Variants in USP10 observed in about 807,000 individuals in gnomAD.
USP10 encodes the protein ubiquitin carboxyl-terminal hydrolase 10.
Under a neutral mutation model 84.5 loss-of-function variants are expected in USP10, and 22 were observed. The ratio of observed to expected loss-of-function variants is 0.26; its 90% CI spans 0.19 to 0.37. USP10 has a LOEUF of 0.37. USP10 is among the 10% of genes least tolerant of loss of function. USP10 has a pLI of 1.00. For synonymous variants in USP10, 454 were observed against 387.6 expected, an observed-to-expected ratio of 1.17 and a Z score of -2.01; for missense variants, 1,019 against 998.9, an observed-to-expected ratio of 1.02 and a Z score of -0.27.
intron 11 of USP10, among the ~76,000 whole-genome samples, chr16:84,770,066 G>A (rs956563969): frequency 2.6e-5 from 4 of 152,120 alleles, no homozygotes; most frequent in South Asian, 2.1e-4. Flanking sequence ...CTATGATCAC[G>A]CCACTGCACT....
At chr16:84,714,324 C>A (rs1597282087) in intron 1 of USP10, among the ~76,000 whole-genome samples, 1 of 152,274 alleles carries the variant, frequency 6.6e-6, no homozygotes. Context: ...CCACTTCTTC[C>A]TCTTTTTTAG....
intron 10 of USP10, 132 bp from the exon 11 acceptor site, chr16:84,768,061 G>T: frequency 2.2e-6 from 2 of 913,726 alleles, no homozygotes; most frequent in Non-Finnish European, 3.2e-6. Flanking sequence ...GTATATTTTT[G>T]GCTTTTCTCT....
intron 2 of USP10, among the ~76,000 whole-genome samples, chr16:84,735,196 GGT>G (rs34240400): frequency 0.082 from 11,949 of 145,936 alleles, 553 homozygotes; most frequent in Non-Finnish European, 0.12. Flanking sequence ...AGGCCCGGGT[GGT>G]GTGTGTGTGT....
rs1910482951 is a variant in USP10 at position 84,740,363 on chromosome 16, C to T, written c.145C>T (p.Pro49Ser). 4 of 1,612,398 alleles carry T rather than the reference C, an allele frequency of 2.5e-6. No individual in the cohort carries two copies. The East Asian group carries it at 8.9e-5, about 36-fold the overall frequency. The change falls in exon 3 of 14, where the codon CCT becomes TCT. Residue 49 changes from proline to serine, a missense_variant. Transcript: ENST00000219473. Reference protein sequence around the residue: ...LCGTQAVDKLPDGQEYQRIEF... With the variant: ...LCGTQAVDKLSDGQEYQRIEF... The stretch of plus-strand genomic sequence containing the variant: ...TGGCACACAGGCTGTGGATAAACTA[C>T]CTGATGGTAAGCTAGTTCTCTCCTT...
intron 1 of USP10, chr16:84,709,168 A>G (rs1255595039): frequency 6.6e-6 from 1 of 152,254 alleles, no homozygotes; most frequent in Non-Finnish European, 1.5e-5. Flanking sequence ...CCATTGAGGA[A>G]GACAGCTTGC....
At chr16:84,717,395 A>G (rs1167113420) in intron 1 of USP10, among the ~76,000 whole-genome samples, 2 of 152,246 alleles carry the variant, frequency 1.3e-5, no homozygotes, top group Non-Finnish European at 2.9e-5. Context: ...CTAGAGCATA[A>G]TGGACATTCA....
rs190651933 is a variant in USP10 at position 84,754,591 on chromosome 16, C to G, written c.1193-4125C>G. ...GGTGCTAGAAGACTTGATTTTAATA[C>G]TGTGCAAGAAAAACTGAAACTGCTT... is the stretch of plus-strand genomic sequence containing the variant. On this transcript the variant is annotated intron_variant, in intron 4 of 13. Transcript: ENST00000219473. Among the ~76,000 whole-genome samples, 4 of 152,276 alleles carry G rather than the reference C, an allele frequency of 2.6e-5. No homozygotes were observed. The East Asian group carries it at 7.7e-4, about 29-fold the overall frequency.
intron 4 of USP10, among the ~76,000 whole-genome samples, chr16:84,752,112 C>T (rs1209930941): frequency 1.3e-5 from 2 of 152,140 alleles, no homozygotes; most frequent in Non-Finnish European, 1.5e-5. Context: ...TCAGCCTTTT[C>T]ATGTGAGTTA....
At chr16:84,707,363 A>G (rs897740916) in intron 1 of USP10, among the ~76,000 whole-genome samples, 2 of 152,214 alleles carry the variant, frequency 1.3e-5, no homozygotes, top group African/African-American at 4.8e-5. Flanking sequence ...GTACATTTTA[A>G]TAAAGTCGTT....
At chr16:84,701,579 G>A (rs1471957334) in intron 1 of USP10, among the ~76,000 whole-genome samples, 2 of 152,202 alleles carry the variant, frequency 1.3e-5, no homozygotes, top group African/African-American at 4.8e-5. Flanking sequence ...ATGAATTAAT[G>A]TGTAATATTC....
chr16:84,768,772 G>C (rs1199890185), intron 11 of USP10, among the ~76,000 whole-genome samples: 1 of 152,198 alleles, frequency 6.6e-6, no homozygotes, highest in Admixed American at 6.5e-5. Flanking sequence ...TTTGATTGTA[G>C]ATCTTCCAGG....
intron 11 of USP10, among the ~76,000 whole-genome samples, chr16:84,769,597 C>A (rs947895714): frequency 6.6e-6 from 1 of 151,998 alleles, no homozygotes; most frequent in African/African-American, 2.4e-5. Flanking sequence ...GGGTGACTGT[C>A]GGCTTGGCTC....
intron 1 of USP10, among the ~76,000 whole-genome samples, chr16:84,730,142 C>A (rs1909021558): frequency 1.3e-5 from 2 of 152,194 alleles, no homozygotes; most frequent in Admixed American, 6.5e-5. Context: ...TCAGCGTCCA[C>A]TCAGTGCTAC....
In USP10 at chr16:84,772,786, T is replaced by G. The variant is rs376994211; in HGVS notation, c.2143+101T>G. The G allele has an allele frequency of 1.4e-3, 2,052 of 1,437,524 alleles. 47 individuals are homozygous for G. The South Asian group carries it at 0.026, about 18-fold the overall frequency. 89.0% of individuals were successfully genotyped at this position (1,437,524 alleles called of 1,614,324 possible). A position where few individuals can be genotyped will look rare whatever the true frequency, so the allele number is the denominator to read the frequency against. On this transcript the variant is annotated intron_variant, in intron 12 of 13. Coordinates refer to ENST00000219473, the MANE Select transcript of USP10 (RefSeq NM_005153.3). ...CTTTATGATGTCAAGAGTGAGGACA[T>G]TCTCTTGCTGGACGTGGACTTGTTT...
At chr16:84,743,042 AC>A (rs1047666642) in intron 3 of USP10, among the ~76,000 whole-genome samples, 3 of 152,184 alleles carry the variant, frequency 2.0e-5, no homozygotes, top group African/African-American at 7.2e-5. Flanking sequence ...CCCCAGGCAC[AC>A]CCGTTTCAAT....
At chr16:84,724,769 T>C (rs148471122) in intron 1 of USP10, among the ~76,000 whole-genome samples, 48 of 152,320 alleles carry the variant, frequency 3.2e-4, no homozygotes, top group African/African-American at 1.1e-3. Flanking sequence ...TAGTCTCGCA[T>C]AGTTGAGTGT....
At chr16:84,762,707 A>G (rs1313834365) in intron 8 of USP10, among the ~76,000 whole-genome samples, 1 of 151,250 alleles carries the variant, frequency 6.6e-6, no homozygotes, top group Non-Finnish European at 1.5e-5. Flanking sequence ...AAAAAAAAGT[A>G]TATTTATTGA....
At chr16:84,722,044 C>G (rs888795287) in intron 1 of USP10, among the ~76,000 whole-genome samples, 3 of 152,238 alleles carry the variant, frequency 2.0e-5, no homozygotes, top group African/African-American at 4.8e-5. Flanking sequence ...ACTACTACCA[C>G]ACTCCATATA....
intron 1 of USP10, among the ~76,000 whole-genome samples, chr16:84,732,815 G>T (rs553761022): frequency 2.6e-5 from 4 of 152,180 alleles, no homozygotes; most frequent in African/African-American, 9.6e-5. Flanking sequence ...ACTCACATCC[G>T]TGCAGTTTAA....
Sources: allele counts gnomAD v4.1 joint callset (sites outside exome capture counted in the v4.1 genomes callset), GRCh38; gene constraint gnomAD v4.1.1; transcripts MANE v1.5; gene names NCBI Gene and HGNC (gene_info 2026-07-23, HGNC 2026-07-21).